SHISA9: variants seen among roughly 807,000 people sequenced by gnomAD.
The protein encoded by SHISA9 is shisa family member 9.
Under a neutral mutation model 38.0 loss-of-function variants are expected in SHISA9, and 13 were observed. That is an observed-to-expected ratio of 0.34 (90% CI 0.22 to 0.54). SHISA9 has a LOEUF of 0.54. Among genes scored for constraint, SHISA9 ranks in the 20% least tolerant of loss-of-function variants. SHISA9 has a pLI of 0.91. For synonymous variants in SHISA9, 275 were observed against 242.0 expected (o/e 1.14, Z -1.27); for missense variants, 538 against 575.8 (o/e 0.93, Z 0.67).
At chr16:13,048,719 G>A (rs2073215219) in intron 2 of SHISA9, among the ~76,000 whole-genome samples, 1 of 152,202 alleles carries the variant, frequency 6.6e-6, no homozygotes, top group Non-Finnish European at 1.5e-5. Context: ...ACCGCACCTG[G>A]CTGACTTACA....
At chr16:13,292,458 G>A in the SHISA9 span, among the ~76,000 whole-genome samples, 2,783 of 152,178 alleles carry the variant, frequency 0.018, 89 homozygotes, top group African/African-American at 0.064. Flanking sequence ...GGACCTAGCT[G>A]TGTGCTCATT....
chr16:13,333,049 G>A, the SHISA9 span, among the ~76,000 whole-genome samples: 343 of 152,346 alleles, frequency 2.3e-3, no homozygotes, highest in African/African-American at 7.3e-3. Flanking sequence ...TGCCGTGCCC[G>A]TCGAAGTCAG....
At chr16:13,560,412 T>C in the SHISA9 span, among the ~76,000 whole-genome samples, 1 of 152,126 alleles carries the variant, frequency 6.6e-6, no homozygotes, top group African/African-American at 2.4e-5. Flanking sequence ...AGTATTGGTA[T>C]CAGCACCTGA....
At chr16:13,120,053 A>G (rs2074069856) in intron 2 of SHISA9, among the ~76,000 whole-genome samples, 1 of 152,172 alleles carries the variant, frequency 6.6e-6, no homozygotes, top group Non-Finnish European at 1.5e-5. Context: ...GCATGGGGTG[A>G]TCAGAGCTGG....
chr16:12,988,667 G>A (rs2072344776), intron 2 of SHISA9, among the ~76,000 whole-genome samples: 1 of 151,918 alleles, frequency 6.6e-6, no homozygotes, highest in Admixed American at 6.6e-5. Flanking sequence ...TGAGATTATA[G>A]GCGCCCCCCA....
chr16:13,099,985 C>A (rs946816475), intron 2 of SHISA9, among the ~76,000 whole-genome samples: 1 of 152,150 alleles, frequency 6.6e-6, no homozygotes, highest in Non-Finnish European at 1.5e-5. Flanking sequence ...ATCCAGACAC[C>A]GACAGGAGCC....
chr16:13,103,599 C>T (rs978525064), intron 2 of SHISA9, among the ~76,000 whole-genome samples: 1 of 152,206 alleles, frequency 6.6e-6, no homozygotes, highest in African/African-American at 2.4e-5. Context: ...GATGAAGTCA[C>T]AGTAACAGGA....
chr16:13,322,423 G>A, the SHISA9 span, among the ~76,000 whole-genome samples: 1 of 152,122 alleles, frequency 6.6e-6, no homozygotes, highest in South Asian at 2.1e-4. Flanking sequence ...AGTTAATTCA[G>A]CTAGCTGAAT....
chr16:12,903,653 G>T (rs1219637166), intron 1 of SHISA9, among the ~76,000 whole-genome samples: 1 of 152,202 alleles, frequency 6.6e-6, no homozygotes, highest in Non-Finnish European at 1.5e-5. Context: ...GGCGGGCGGG[G>T]TGGAAGGAGT....
At chr16:13,244,924 A>T (rs1331734701), downstream of SHISA9, among the ~76,000 whole-genome samples, 1 of 152,154 alleles carries the variant, frequency 6.6e-6, no homozygotes, top group African/African-American at 2.4e-5. Flanking sequence ...ACATTTATTT[A>T]CTTACTTTTG....
chr16:13,405,233 T>C, the SHISA9 span, among the ~76,000 whole-genome samples: 3 of 152,236 alleles, frequency 2.0e-5, no homozygotes, highest in Non-Finnish European at 4.4e-5. Context: ...GAATATGTTA[T>C]TTTCATGGTG....
intron 2 of SHISA9, among the ~76,000 whole-genome samples, chr16:12,990,069 T>G (rs1025339082): frequency 6.6e-6 from 1 of 152,328 alleles, no homozygotes; most frequent in Admixed American, 6.5e-5. Flanking sequence ...CTGGGAATGA[T>G]GGCTTCTGGC....
chr16:13,398,501 C>T, the SHISA9 span, among the ~76,000 whole-genome samples: 1 of 126,434 alleles, frequency 7.9e-6, no homozygotes, highest in Non-Finnish European at 1.6e-5. Context: ...GTTTATTCAC[C>T]ATTTTTTTTT....
At chr16:13,012,260 G>T (rs2072687210) in intron 2 of SHISA9, among the ~76,000 whole-genome samples, 1 of 152,154 alleles carries the variant, frequency 6.6e-6, no homozygotes, top group Non-Finnish European at 1.5e-5. Context: ...ATTATAGAGA[G>T]TGACCCTGGG....
chr16:12,904,120 C>T (rs1404967232), intron 1 of SHISA9, among the ~76,000 whole-genome samples: 1 of 152,134 alleles, frequency 6.6e-6, no homozygotes, highest in East Asian at 1.9e-4. Context: ...CGCCCACCTT[C>T]CGCAACCACA....
chr16:13,499,146 C>A, the SHISA9 span, among the ~76,000 whole-genome samples: 24 of 152,266 alleles, frequency 1.6e-4, no homozygotes, highest in African/African-American at 5.8e-4. Context: ...AAAGTAGAAA[C>A]CAATCAGTAA....
chr16:13,420,875 C>A, the SHISA9 span, among the ~76,000 whole-genome samples: 1 of 152,166 alleles, frequency 6.6e-6, no homozygotes, highest in Admixed American at 6.5e-5. Context: ...ACTATGAAAT[C>A]CTCTCACGTA....
chr16:13,516,323 G>A, the SHISA9 span, among the ~76,000 whole-genome samples: 3 of 152,310 alleles, frequency 2.0e-5, no homozygotes, highest in South Asian at 6.2e-4. Context: ...AATCACCCTG[G>A]ACCTAGAAGC....
the SHISA9 span, among the ~76,000 whole-genome samples, chr16:13,487,372 C>T: frequency 5.9e-5 from 9 of 152,224 alleles, no homozygotes; most frequent in Non-Finnish European, 5.9e-5. Context: ...ACATAAGCAT[C>T]TGCTTCTGGC....
Sources: gnomAD v4.1 joint callset for allele counts (sites outside exome capture counted in the v4.1 genomes callset) on GRCh38, gnomAD v4.1.1 for gene constraint, MANE v1.5 for transcripts, NCBI Gene and HGNC (gene_info 2026-07-23, HGNC 2026-07-21) for gene names.